NFIB: variants seen among roughly 807,000 people sequenced by gnomAD.
The protein encoded by NFIB is nuclear factor 1 B-type.
A neutral mutation model predicts 61.5 loss-of-function variants in NFIB; 11 were observed. That is an observed-to-expected ratio of 0.18 (90% confidence interval 0.11 to 0.30). The LOEUF (loss-of-function observed/expected upper bound fraction) is 0.30, where lower values mean the gene tolerates loss of function less well. NFIB is among the 10% of genes least tolerant of loss of function. NFIB has a pLI of 1.00. For missense variants in NFIB, 471 were observed against 608.9 expected, an observed-to-expected ratio of 0.77 and a Z score of 2.38; for synonymous variants, 260 against 216.5, an observed-to-expected ratio of 1.20 and a Z score of -1.76.
chr9:14,122,706 G>C (rs1259056573), intron 7 of NFIB, among the ~76,000 whole-genome samples: 4 of 152,074 alleles, frequency 2.6e-5, no homozygotes, highest in Admixed American at 2.0e-4. Context: ...ACAAACCCTG[G>C]AAAGATATAT....
At chr9:14,332,328 GTCA>G (rs1230822047) in intron 1 of NFIB, among the ~76,000 whole-genome samples, 1 of 47,888 alleles carries the variant, frequency 2.1e-5, no homozygotes, top group African/African-American at 4.9e-5. Flanking sequence ...GCGAGACTCC[GTCA>G]AAAAAAAAAA....
chr9:14,153,852 C>A (rs1026436331), intron 4 of NFIB, among the ~76,000 whole-genome samples: 1 of 152,020 alleles, frequency 6.6e-6, no homozygotes, highest in African/African-American at 2.4e-5. Flanking sequence ...GATTATGATG[C>A]GGATATATTA....
chr9:14,431,978 T>C, the NFIB span, among the ~76,000 whole-genome samples: 43 of 152,326 alleles, frequency 2.8e-4, no homozygotes, highest in African/African-American at 1.0e-3. Flanking sequence ...ATGGTGTGCC[T>C]GACTCATGCA....
chr9:14,344,722 C>G (rs1389374140), intron 1 of NFIB, among the ~76,000 whole-genome samples: 1 of 151,866 alleles, frequency 6.6e-6, no homozygotes, highest in Non-Finnish European at 1.5e-5. Context: ...TGAACCTCCT[C>G]CTACAGGGTT....
intron 2 of NFIB, among the ~76,000 whole-genome samples, chr9:14,248,678 T>C (rs2055221600): frequency 6.6e-6 from 1 of 152,104 alleles, no homozygotes; most frequent in African/African-American, 2.4e-5. Context: ...CTCTAGCTCC[T>C]CTCCAAGAAC....
chr9:14,349,839 T>G (rs754881397), intron 1 of NFIB, among the ~76,000 whole-genome samples: 1 of 152,128 alleles, frequency 6.6e-6, no homozygotes, highest in East Asian at 1.9e-4. Context: ...CTCAGAACGC[T>G]TCCCGCGCGG....
chr9:14,097,419 C>T (rs2034967658), intron 10 of NFIB, among the ~76,000 whole-genome samples: 1 of 152,092 alleles, frequency 6.6e-6, no homozygotes, highest in Non-Finnish European at 1.5e-5. Context: ...TAAAGCTCCC[C>T]CCAGGAACTC....
chr9:14,227,871 C>A (rs1218454725), intron 2 of NFIB, among the ~76,000 whole-genome samples: 1 of 152,192 alleles, frequency 6.6e-6, no homozygotes, highest in East Asian at 1.9e-4. Context: ...TAAGCTCCAG[C>A]CACTCAACCT....
At chr9:14,406,876 C>CA in the NFIB span, among the ~76,000 whole-genome samples, 1 of 152,208 alleles carries the variant, frequency 6.6e-6, no homozygotes, top group East Asian at 1.9e-4. Context: ...TTACGTAGAG[C>CA]AAAGCCTCAC....
intron 3 of NFIB, among the ~76,000 whole-genome samples, chr9:14,167,761 C>T (rs533533112): frequency 3.9e-5 from 6 of 152,146 alleles, no homozygotes; most frequent in Admixed American, 3.3e-4. Flanking sequence ...TTACAACAGT[C>T]AGGTATTTTT....
intron 10 of NFIB, among the ~76,000 whole-genome samples, chr9:14,109,172 T>C (rs938924371): frequency 6.6e-6 from 1 of 152,052 alleles, no homozygotes; most frequent in Non-Finnish European, 1.5e-5. Flanking sequence ...TTGTCTCTTA[T>C]TATTCATCCA....
chr9:14,132,232 T>G (rs1308884229), intron 6 of NFIB, among the ~76,000 whole-genome samples: 1 of 152,206 alleles, frequency 6.6e-6, no homozygotes, highest in Admixed American at 6.5e-5. Flanking sequence ...CCTATTTCTA[T>G]CTGGTTAACA....
At chr9:14,445,688 A>G in the NFIB span, among the ~76,000 whole-genome samples, 1 of 152,172 alleles carries the variant, frequency 6.6e-6, no homozygotes, top group Admixed American at 6.5e-5. Context: ...TTTGGTCATT[A>G]TGTTCTATTC....
intron 2 of NFIB, among the ~76,000 whole-genome samples, chr9:14,304,476 T>A (rs778161564): frequency 1.3e-5 from 2 of 152,212 alleles, no homozygotes; most frequent in Non-Finnish European, 1.5e-5. Flanking sequence ...ATCACAGGCA[T>A]CCTGAGCTAA....
chr9:14,404,372 G>A, the NFIB span, among the ~76,000 whole-genome samples: 1 of 152,162 alleles, frequency 6.6e-6, no homozygotes, highest in Non-Finnish European at 1.5e-5. Context: ...GAGCAAGACA[G>A]CTCTAGATGA....
intron 2 of NFIB, among the ~76,000 whole-genome samples, chr9:14,214,607 T>C (rs2050657055): frequency 6.6e-6 from 1 of 152,264 alleles, no homozygotes; most frequent in African/African-American, 2.4e-5. Context: ...TATTATGGAT[T>C]GTATCATGCT....
intron 7 of NFIB, among the ~76,000 whole-genome samples, chr9:14,123,772 C>T (rs1041600737): frequency 2.0e-5 from 3 of 151,704 alleles, no homozygotes; most frequent in Non-Finnish European, 2.9e-5. Context: ...TTAGTTTGCC[C>T]CTCTGCCTCC....
At chr9:14,505,803 G>T in the NFIB span, among the ~76,000 whole-genome samples, 6 of 152,044 alleles carry the variant, frequency 3.9e-5, no homozygotes, top group Admixed American at 2.0e-4. Context: ...ATTCTTCAAG[G>T]GCTTGGCGCT....
At chr9:14,495,445 A>ATTTTTTTTTTTTTT in the NFIB span, among the ~76,000 whole-genome samples, 176 of 98,058 alleles carry the variant, frequency 1.8e-3, 4 homozygotes, top group African/African-American at 5.1e-3. Flanking sequence ...AGAGAAATGA[A>ATTTTTTTTTTTTTT]CTTTTTTTTT....
Sources: allele counts gnomAD v4.1 joint callset (sites outside exome capture counted in the v4.1 genomes callset), GRCh38; gene constraint gnomAD v4.1.1; transcripts MANE v1.5; gene names NCBI Gene and HGNC (gene_info 2026-07-23, HGNC 2026-07-21).